The following SAMD4B variants were observed in gnomAD, a reference collection of about 807,000 sequenced individuals.
SAMD4B encodes the protein protein Smaug homolog 2.
Under a neutral mutation model 74.5 loss-of-function variants are expected in SAMD4B, and 5 were observed. The observed-to-expected ratio is 0.07, with a 90% CI of 0.04 to 0.14. SAMD4B has a LOEUF of 0.14. SAMD4B is among the 10% of genes least tolerant of loss of function. SAMD4B has a pLI of 1.00. For synonymous variants in SAMD4B, 373 were observed against 374.9 expected (o/e 1.00, Z 0.06); for missense variants, 608 against 921.8 (o/e 0.66, Z 4.41).
chr19:39,342,455 CGGCGGCGGCGGT>C lies in SAMD4B; in HGVS notation c.-385_-374del, dbSNP rs2075354918. On this transcript the variant is annotated 5_prime_UTR_variant, in exon 1 of 14. Transcript: ENST00000610417. The stretch of plus-strand genomic sequence containing the variant: ...TGACGCAGCGCGACGGCGGCGGCGG[CGGCGGCGGCGGT>C]GGTCGGTGCGGGAGGAGGGAGGGGA... The C allele has an allele frequency of 5.5e-6, 1 of 180,336 alleles. No individual in the cohort carries two copies. Among genetic ancestry groups the C allele is most frequent in the Non-Finnish European group, 1.1e-5 (1 of 90,576 alleles). 11.2% of individuals were successfully genotyped at this position (180,336 alleles called of 1,614,324 possible).
In SAMD4B at chr19:39,383,746, G is replaced by C; in HGVS notation, c.*219G>C. The C allele has an allele frequency of 6.6e-7, 1 of 1,526,604 alleles. No homozygotes were observed. 94.6% of individuals were successfully genotyped at this position (1,526,604 alleles called of 1,614,324 possible). A position where few individuals can be genotyped will look rare whatever the true frequency, so the allele number is the denominator to read the frequency against. The stretch of plus-strand genomic sequence containing the variant: ...TCTCTGCTGAGGCCCGGGGAGTTGG[G>C]GGCAGCCAGGATAAAGGGGGCAGGG... On this transcript the variant is annotated 3_prime_UTR_variant, in exon 14 of 14. Transcript: ENST00000610417. The surrounding 1 kb of genome is among the most constrained non-coding windows in gnomAD (Gnocchi z 4.1).
Position 39,367,507 on chromosome 19 carries a change from C to CTT in SAMD4B, c.197-2129_197-2128dup, listed in dbSNP as rs572713498. On this transcript the variant is annotated intron_variant, in intron 3 of 13. Coordinates refer to ENST00000610417, the MANE Select transcript of SAMD4B (RefSeq NM_001384574.2). ...CTAATGAGGTTTTTTTTTTCTTTTT[C>CTT]TTTTTTTTTTTTTTTTTTTTGAGAC... Among the ~76,000 whole-genome samples, 109 of 110,802 alleles carry CTT rather than the reference C, an allele frequency of 9.8e-4. 1 individual carries two copies. The highest frequency in any genetic ancestry group is 1.3e-3 in the Admixed American group (14 of 10,940). 72.7% of individuals were successfully genotyped at this position (110,802 alleles called of 152,430 possible). A position where few individuals can be genotyped will look rare whatever the true frequency, so the allele number is the denominator to read the frequency against.
chr19:39,359,047 A>G (rs73033341), intron 3 of SAMD4B, among the ~76,000 whole-genome samples: 3,241 of 152,356 alleles, frequency 0.021, 47 homozygotes, highest in Non-Finnish European at 0.033. Context: ...ACAAAGAGCA[A>G]TAAGAACCCA....
intron 2 of SAMD4B, among the ~76,000 whole-genome samples, chr19:39,355,079 G>A (rs1411287587): frequency 6.6e-6 from 1 of 152,050 alleles, no homozygotes; most frequent in East Asian, 1.9e-4. Flanking sequence ...CGCCACTTTG[G>A]CCAGTCTGAT....
Position 39,385,698 on chromosome 19 carries a change from G to T in SAMD4B, c.*2171G>T. 3.9e-6 allele frequency: 2 copies of T among 515,932 alleles called. No individual in the cohort carries two copies. Among genetic ancestry groups the T allele is most frequent in the South Asian group, 3.3e-5 (1 of 30,048 alleles). The allele number at this position is 515,932 out of a possible 1,614,324, so 32.0% of individuals were successfully genotyped here. On this transcript the variant is annotated 3_prime_UTR_variant, in exon 14 of 14. Transcript: ENST00000610417. ...AAAAAAAAAAACAAACAAAAAAAAC[G>T]AATTCTGACCTTCGTTGTGCTACAT...
downstream of SAMD4B, chr19:39,386,179 C>A: frequency 6.2e-7 from 1 of 1,614,138 alleles, no homozygotes; most frequent in South Asian, 1.1e-5. The surrounding 1 kb of genome is among the most constrained non-coding windows in gnomAD (Gnocchi z 6.1). Flanking sequence ...TGTCCTCTGT[C>A]CTCATCATCA....
intron 1 of SAMD4B, among the ~76,000 whole-genome samples, chr19:39,347,730 T>C (rs1382443518): frequency 6.6e-6 from 1 of 152,214 alleles, no homozygotes; most frequent in Non-Finnish European, 1.5e-5. Context: ...TTTGTTTTGT[T>C]TGTTTTAGTG....
At chr19:39,357,680 G>T (rs756147769) in intron 3 of SAMD4B, among the ~76,000 whole-genome samples, 1 of 152,160 alleles carries the variant, frequency 6.6e-6, no homozygotes, top group African/African-American at 2.4e-5. Flanking sequence ...GGCCCCAGTT[G>T]TAGACAGGAG....
chr19:39,390,126 C>T, downstream of SAMD4B: 1 of 1,614,086 alleles, frequency 6.2e-7, no homozygotes, highest in Non-Finnish European at 8.5e-7. Flanking sequence ...ATCAGGGAGG[C>T]TATTGCAGTA....
chr19:39,363,376 G>A (rs2076764810), intron 3 of SAMD4B, among the ~76,000 whole-genome samples: 1 of 152,100 alleles, frequency 6.6e-6, no homozygotes, highest in South Asian at 2.1e-4. Flanking sequence ...TGTACTTCTA[G>A]CTCCAAGGAA....
rs2078182428 is a variant in SAMD4B, at chr19:39,384,455, T to C, written c.*928T>C. 2 of 152,708 alleles carry C rather than the reference T, an allele frequency of 1.3e-5. No individual in the cohort carries two copies. Among genetic ancestry groups the C allele is most frequent in the Non-Finnish European group, 2.9e-5 (2 of 68,054 alleles). 9.5% of individuals were successfully genotyped at this position (152,708 alleles called of 1,614,324 possible). ...ACCCTTCTCCGCTCCCAGGTCTGGT[T>C]GGTGAGACTTGGGAGTCAGGAATAA... On this transcript the variant is annotated 3_prime_UTR_variant, in exon 14 of 14. Coordinates refer to ENST00000610417, the MANE Select transcript of SAMD4B (RefSeq NM_001384574.2).
chr19:39,376,816 CA>C, intron 7 of SAMD4B, 25 bp downstream of exon 7: 2 of 1,598,968 alleles, frequency 1.3e-6, no homozygotes, highest in Non-Finnish European at 8.6e-7. Context: ...TCTGCATCTT[CA>C]AGGCCAGCCA....
chr19:39,364,071 A>G (rs2076810234), intron 3 of SAMD4B, among the ~76,000 whole-genome samples: 1 of 152,178 alleles, frequency 6.6e-6, no homozygotes, highest in African/African-American at 2.4e-5. Context: ...ACACATGAAC[A>G]CACATTTCCC....
intron 3 of SAMD4B, among the ~76,000 whole-genome samples, chr19:39,366,794 G>C (rs1333855729): frequency 6.6e-6 from 1 of 152,120 alleles, no homozygotes; most frequent in Non-Finnish European, 1.5e-5. Flanking sequence ...AAGCATGCTA[G>C]ATGTCCTTGG....
chr19:39,365,164 T>G (rs2076883524), intron 3 of SAMD4B, among the ~76,000 whole-genome samples: 1 of 147,948 alleles, frequency 6.8e-6, no homozygotes, highest in Admixed American at 6.9e-5. Flanking sequence ...GAGAATGGTG[T>G]GAACCCAGGA....
intron 1 of SAMD4B, among the ~76,000 whole-genome samples, chr19:39,345,001 C>A (rs1464922127): frequency 6.6e-6 from 1 of 152,146 alleles, no homozygotes; most frequent in Non-Finnish European, 1.5e-5. Context: ...AGTGTGGTTC[C>A]TGGCCCAGCA....
Position 39,378,654 on chromosome 19 carries a change from G to T in SAMD4B, c.1530+65G>T, listed in dbSNP as rs1600583573. 7.0e-7 allele frequency: 1 copy of T among 1,420,266 alleles called. No individual in the cohort carries two copies. Among genetic ancestry groups the T allele is most frequent in the East Asian group, 2.3e-5 (1 of 43,464 alleles). 88.0% of individuals were successfully genotyped at this position (1,420,266 alleles called of 1,614,324 possible). A position where few individuals can be genotyped will look rare whatever the true frequency, so the allele number is the denominator to read the frequency against. On this transcript the variant is annotated intron_variant, in intron 9 of 13. Coordinates refer to ENST00000610417, the MANE Select transcript of SAMD4B (RefSeq NM_001384574.2). The surrounding 1 kb of genome is among the most constrained non-coding windows in gnomAD (Gnocchi z 4.4). ...CCAGGCGTGGTGGTTCACGCCTGTA[G>T]TCCCAGCACTTCGGCCACCGAGGCG...
At chr19:39,376,008 G>T in intron 5 of SAMD4B, 119 bp downstream of exon 5, 1 of 1,332,686 alleles carries the variant, frequency 7.5e-7, no homozygotes, top group South Asian at 1.4e-5. Context: ...CATGTCTGAG[G>T]GGAGTAGATA....
intron 1 of SAMD4B, chr19:39,351,284 C>G (rs1176043830): frequency 3.3e-5 from 5 of 152,280 alleles, no homozygotes; most frequent in African/African-American, 9.6e-5. Flanking sequence ...GCACCCAGCC[C>G]TCTTAGCCAT....
Sources: allele counts gnomAD v4.1 joint callset (sites outside exome capture counted in the v4.1 genomes callset), GRCh38; gene constraint gnomAD v4.1.1; non-coding constraint Gnocchi (gnomAD v3.1); transcripts MANE v1.5; gene names NCBI Gene and HGNC (gene_info 2026-07-23, HGNC 2026-07-21).